Variants in PLA2G2A observed in about 807,000 individuals in gnomAD.
PLA2G2A encodes the protein phospholipase A2 group IIA.
In PLA2G2A, 6 loss-of-function variants were observed where a neutral mutation model predicts 11.2. That is an observed-to-expected ratio of 0.54 (90% CI 0.29 to 1.06). The LOEUF (loss-of-function observed/expected upper bound fraction) is 1.06. Among genes scored for constraint, PLA2G2A ranks in the 50% least tolerant of loss-of-function variants. The pLI is 0.08. For missense variants in PLA2G2A, 133 were observed against 177.1 expected (o/e 0.75, Z 1.41); for synonymous variants, 69 against 65.8 (o/e 1.05, Z -0.23).
At chr1:19,977,265 A>G (rs2046233306) in intron 4 of PLA2G2A, among the ~76,000 whole-genome samples, 1 of 152,034 alleles carries the variant, frequency 6.6e-6, no homozygotes, top group Non-Finnish European at 1.5e-5. Context: ...CAGTTGTGCC[A>G]TCCATGCAGC....
In PLA2G2A at chr1:19,976,335, C is replaced by T. The variant is rs116836381; in HGVS notation, c.293-492G>A. On this transcript the variant is annotated intron_variant, in intron 4 of 4. Coordinates refer to ENST00000482011, the Ensembl canonical transcript of PLA2G2A. Reference sequence around the variant, plus strand: ...GAGATGCCCAAAAGGAAAGCCTCTTCCATAGTATGAGGCCAGGAGGGTGGA... The same window carrying T: ...GAGATGCCCAAAAGGAAAGCCTCTTTCATAGTATGAGGCCAGGAGGGTGGA... 6.6e-4 allele frequency among the ~76,000 whole-genome samples: 101 copies of T among 152,338 alleles called. 2 individuals carry two copies. In the East Asian group the frequency reaches 0.014, roughly 21 times the overall value.
intron 4 of PLA2G2A, among the ~76,000 whole-genome samples, chr1:19,976,650 C>A (rs1557702158): frequency 6.6e-6 from 1 of 152,192 alleles, no homozygotes; most frequent in Non-Finnish European, 1.5e-5. Flanking sequence ...AGGCCATGGG[C>A]AGGAGTCCAC....
chr1:19,978,053 C>T (rs759318787), exon 4 of PLA2G2A: 3 of 1,613,732 alleles, frequency 1.9e-6, no homozygotes, highest in South Asian at 2.2e-5. Context: ...AAACTTGTAG[C>T]TCAGAAATTT....
At chr1:19,980,051 G>A (rs1174350055), upstream of PLA2G2A, among the ~76,000 whole-genome samples, 1 of 152,180 alleles carries the variant, frequency 6.6e-6, no homozygotes, top group African/African-American at 2.4e-5. Flanking sequence ...AGAAAAGAGG[G>A]CTTTTAGTGG....
chr1:19,976,253 C>T (rs549972860), intron 4 of PLA2G2A, among the ~76,000 whole-genome samples: 1 of 152,190 alleles, frequency 6.6e-6, no homozygotes, highest in Non-Finnish European at 1.5e-5. Flanking sequence ...CAATGAGCAA[C>T]AAGGGGAAGT....
chr1:19,978,403 T>C (rs1402180412), exon 3 of PLA2G2A: 2 of 1,613,136 alleles, frequency 1.2e-6, no homozygotes, highest in African/African-American at 2.7e-5. Flanking sequence ...CCTTGGGGGA[T>C]CCTCTGCCAC....
At chr1:19,976,373 C>T (rs2100409886) in intron 4 of PLA2G2A, among the ~76,000 whole-genome samples, 1 of 152,316 alleles carries the variant, frequency 6.6e-6, no homozygotes, top group Non-Finnish European at 1.5e-5. Flanking sequence ...TGCAGCCTGT[C>T]TCTTGACATC....
intron 4 of PLA2G2A, among the ~76,000 whole-genome samples, chr1:19,976,267 C>T (rs1336668415): frequency 6.6e-6 from 1 of 152,194 alleles, no homozygotes; most frequent in Non-Finnish European, 1.5e-5. Flanking sequence ...GGGAAGTCTG[C>T]TGGGGGCTTC....
chr1:19,976,280 G>T (rs2046218394), intron 4 of PLA2G2A, among the ~76,000 whole-genome samples: 1 of 152,148 alleles, frequency 6.6e-6, no homozygotes, highest in African/African-American at 2.4e-5. Context: ...GGGGCTTCTG[G>T]GAACGATCTA....
At position 19,978,074 on chromosome 1, in the gene PLA2G2A, C is replaced by T. The variant is rs2046245963; in HGVS notation, c.233G>A (p.Gly78Glu). The T allele has an allele frequency of 6.2e-7, 1 of 1,614,078 alleles. No homozygotes were observed. The highest frequency in any genetic ancestry group is 1.7e-5 in the Admixed American group (1 of 60,026). The change falls in exon 4 of 5, where the codon GGA (glycine) becomes GAA (glutamate). Residue 78 changes from glycine (G) to glutamate (E), a missense_variant. Coordinates refer to ENST00000482011, the Ensembl canonical transcript of PLA2G2A. ...GTAGCTCAGAAATTTGGTGCCACAT[C>T]CACGTTTCTCCAGACGTTTGTAGCA...
intron 4 of PLA2G2A, among the ~76,000 whole-genome samples, chr1:19,977,371 C>T (rs1028469797): frequency 2.0e-5 from 3 of 152,220 alleles, no homozygotes; most frequent in African/African-American, 4.8e-5. Context: ...TTTTTCTCCA[C>T]CTTTCCCATC....
At chr1:19,977,927 C>A in intron 4 of PLA2G2A, 88 bp downstream of exon 4, 1 of 837,096 alleles carries the variant, frequency 1.2e-6, no homozygotes, top group Non-Finnish European at 2.1e-6. Context: ...GGAACTGTGT[C>A]CCTCTGTGTC....
exon 2 of PLA2G2A, chr1:19,978,786 T>C: frequency 8.1e-6 from 13 of 1,614,088 alleles, no homozygotes; most frequent in Non-Finnish European, 1.1e-5. Flanking sequence ...TAAGAGTTCT[T>C]GGGTGACAAA....
At chr1:19,975,715 T>C (rs1206014152) in exon 5 of PLA2G2A, 1 of 1,613,594 alleles carries the variant, frequency 6.2e-7, no homozygotes, top group South Asian at 1.1e-5. Flanking sequence ...CAACGAGGGG[T>C]GCTCCCTCTG....
At chr1:19,978,703 C>T (rs2046260499) in intron 2 of PLA2G2A, 31 bp downstream of exon 2, 3 of 1,612,812 alleles carry the variant, frequency 1.9e-6, no homozygotes, top group Non-Finnish European at 1.7e-6. Context: ...GGGCTGTCCC[C>T]CCATGCTCAG....
chr1:19,978,973 G>GCACTCACACACACA, intron 1 of PLA2G2A, 94 bp from the exon 2 acceptor site: 19 of 571,974 alleles, frequency 3.3e-5, no homozygotes, highest in East Asian at 1.9e-4. Flanking sequence ...CTCCAGCAAT[G>GCACTCACACACACA]CACACACACA....
chr1:19,975,568 G>A, downstream of PLA2G2A: 2 of 814,396 alleles, frequency 2.5e-6, no homozygotes, highest in Admixed American at 1.7e-5. Flanking sequence ...GGGTATAGAA[G>A]GGCTCCTGCC....
At chr1:19,977,340 C>T (rs146136959) in intron 4 of PLA2G2A, among the ~76,000 whole-genome samples, 81 of 152,306 alleles carry the variant, frequency 5.3e-4, no homozygotes, top group South Asian at 6.2e-4. Flanking sequence ...TCAGCTGATT[C>T]CATCTCAAAT....
At chr1:19,977,993 G>C (rs377235266) in intron 4 of PLA2G2A, 22 bp downstream of exon 4, 1 of 1,390,180 alleles carries the variant, frequency 7.2e-7, no homozygotes, top group South Asian at 1.2e-5. Flanking sequence ...AGGGCCACTC[G>C]ATGGTGAGGT....
Sources: gnomAD v4.1 joint callset for allele counts (sites outside exome capture counted in the v4.1 genomes callset) on GRCh38, gnomAD v4.1.1 for gene constraint, MANE v1.5 for transcripts, NCBI Gene and HGNC (gene_info 2026-07-23, HGNC 2026-07-21) for gene names.